Variants in ASIC2 observed in about 807,000 individuals in gnomAD.
The protein encoded by ASIC2 is acid sensing ion channel subunit 2.
Under a neutral mutation model 57.3 loss-of-function variants are expected in ASIC2, and 25 were observed. That is an observed-to-expected ratio of 0.44 (90% CI 0.32 to 0.61). The LOEUF is 0.61. ASIC2 is among the 20% of genes least tolerant of loss of function. The pLI, the probability that ASIC2 is intolerant of heterozygous loss-of-function variation, is 0.06. For synonymous variants in ASIC2, 319 were observed against 307.5 expected (o/e 1.04, Z -0.39); for missense variants, 641 against 738.1 (o/e 0.87, Z 1.52).
intron 1 of ASIC2, among the ~76,000 whole-genome samples, chr17:33,985,567 G>A (rs991766964): frequency 2.0e-5 from 3 of 152,178 alleles, no homozygotes; most frequent in Non-Finnish European, 4.4e-5. Context: ...AAATGTTTGG[G>A]ACAGACAACA....
At chr17:33,932,512 G>A (rs1336341205) in intron 1 of ASIC2, 1 of 151,234 alleles carries the variant, frequency 6.6e-6, no homozygotes, top group East Asian at 1.9e-4. Context: ...TTGGGAGTTC[G>A]AGACCACCCT....
At chr17:33,820,061 C>T (rs1438672324) in intron 1 of ASIC2, among the ~76,000 whole-genome samples, 1 of 152,154 alleles carries the variant, frequency 6.6e-6, no homozygotes, top group Non-Finnish European at 1.5e-5. Context: ...GCCCCAGCTG[C>T]CCAATATGGC....
chr17:33,143,992 C>T (rs1180355199), intron 1 of ASIC2, among the ~76,000 whole-genome samples: 1 of 152,006 alleles, frequency 6.6e-6, no homozygotes, highest in African/African-American at 2.4e-5. Context: ...GATGCCCAAC[C>T]CTTCTCTTTC....
At chr17:33,168,292 A>T (rs935151622) in intron 1 of ASIC2, among the ~76,000 whole-genome samples, 14 of 152,244 alleles carry the variant, frequency 9.2e-5, no homozygotes, top group Non-Finnish European at 1.6e-4. Flanking sequence ...TGCTATAACA[A>T]ATACATGAAA....
At chr17:33,598,902 G>T (rs908005958) in intron 1 of ASIC2, among the ~76,000 whole-genome samples, 1 of 152,170 alleles carries the variant, frequency 6.6e-6, no homozygotes, top group African/African-American at 2.4e-5. Context: ...ACTTTGTCAG[G>T]GAGTCTGAGA....
chr17:33,716,629 T>C (rs1258488218), intron 1 of ASIC2, among the ~76,000 whole-genome samples: 1 of 152,198 alleles, frequency 6.6e-6, no homozygotes, highest in African/African-American at 2.4e-5. Flanking sequence ...CATGACTGCA[T>C]CTCCTGCCCT....
At chr17:33,881,077 C>T (rs1159618013) in intron 1 of ASIC2, among the ~76,000 whole-genome samples, 1 of 152,232 alleles carries the variant, frequency 6.6e-6, no homozygotes, top group Non-Finnish European at 1.5e-5. Context: ...ATGCTAAAAA[C>T]TCTCAATAAA....
chr17:34,091,076 A>G (rs1415423192), intron 1 of ASIC2, among the ~76,000 whole-genome samples: 2 of 152,194 alleles, frequency 1.3e-5, no homozygotes, highest in Admixed American at 6.5e-5. Flanking sequence ...CAGTTCCTTC[A>G]ATCCTAAAAT....
In ASIC2 at chr17:34,021,179, A is replaced by T. The variant is rs187676323; in HGVS notation, c.555+134799T>A. 3.2e-3 allele frequency among the ~76,000 whole-genome samples: 486 copies of T among 152,172 alleles called. 12 individuals are homozygous for T. Among genetic ancestry groups the T allele is most frequent in the South Asian group, 1.2e-3 (6 of 4,814 alleles). On this transcript the variant is annotated intron_variant, in intron 1 of 9. Transcript: ENST00000359872. ...TGACGGGTGCACCAAAATCTCAGAAATCAGCACTAAAGAACTTACTCATGT... is the reference window on the plus strand; with the variant it reads ...TGACGGGTGCACCAAAATCTCAGAATTCAGCACTAAAGAACTTACTCATGT...
chr17:33,794,639 A>C (rs1200598797), intron 1 of ASIC2: 1 of 152,184 alleles, frequency 6.6e-6, no homozygotes, highest in East Asian at 1.9e-4. Context: ...TAGAAAGTTC[A>C]TGGTGAAAAA....
intron 1 of ASIC2, among the ~76,000 whole-genome samples, chr17:33,438,006 T>C (rs1263681969): frequency 6.6e-6 from 1 of 152,110 alleles, no homozygotes; most frequent in African/African-American, 2.4e-5. Flanking sequence ...TGTCCCTGAG[T>C]AGAGGTCTCC....
intron 2 of ASIC2, among the ~76,000 whole-genome samples, chr17:33,098,402 C>A (rs1032648327): frequency 3.3e-5 from 5 of 152,112 alleles, no homozygotes; most frequent in African/African-American, 4.8e-5. Flanking sequence ...CTAAGGAGAT[C>A]CGAAATCAGC....
intron 1 of ASIC2, among the ~76,000 whole-genome samples, chr17:34,040,220 C>T (rs1460115627): frequency 1.4e-5 from 2 of 143,504 alleles, no homozygotes; most frequent in Non-Finnish European, 3.0e-5. Flanking sequence ...GGTGGGGGCC[C>T]GCTCGGCTGG....
At chr17:33,627,075 C>T (rs1906008971) in intron 1 of ASIC2, 1 of 152,324 alleles carries the variant, frequency 6.6e-6, no homozygotes, top group South Asian at 2.1e-4. Flanking sequence ...AGGATTTGCA[C>T]TTCCCTGAGC....
chr17:33,070,519 G>A (rs1219900043), intron 3 of ASIC2, among the ~76,000 whole-genome samples: 2 of 151,928 alleles, frequency 1.3e-5, no homozygotes, highest in African/African-American at 4.8e-5. Flanking sequence ...TACATTTTTA[G>A]TAGAGACAGG....
rs71362880 is a variant in ASIC2 at position 33,175,464 on chromosome 17, GT to G, written c.709-63398del. Among the ~76,000 whole-genome samples the G allele has an allele frequency of 5.0e-4, 73 of 147,398 alleles. 2 individuals are homozygous for G. Among genetic ancestry groups the G allele is most frequent in the Middle Eastern group, 6.9e-3 (2 of 290 alleles). On this transcript the variant is annotated intron_variant, in intron 1 of 9. Coordinates refer to ENST00000225823, the MANE Select transcript of ASIC2 (RefSeq NM_183377.2). ...CATTCCCATTTATTGTTATTTTATT[GT>G]TTTTTTTTTCCTGTGTAGGACTAGA...
intron 1 of ASIC2, among the ~76,000 whole-genome samples, chr17:34,033,162 G>C (rs1019523044): frequency 1.3e-5 from 2 of 152,066 alleles, no homozygotes; most frequent in Non-Finnish European, 2.9e-5. Context: ...ATAACAAACT[G>C]TCTCTCAGAC....
intron 1 of ASIC2, among the ~76,000 whole-genome samples, chr17:33,421,529 G>A (rs1193004041): frequency 6.6e-6 from 1 of 152,218 alleles, no homozygotes; most frequent in East Asian, 1.9e-4. Context: ...CAGTGAAGAA[G>A]TCCCAACAAC....
At chr17:33,021,841 A>T (rs11868226) in intron 6 of ASIC2, among the ~76,000 whole-genome samples, 1,735 of 152,354 alleles carry the variant, frequency 0.011, 11 homozygotes, top group Non-Finnish European at 0.019. Context: ...GCAAACTTAC[A>T]TCTGGCTGGG....
Sources: gnomAD v4.1 joint callset for allele counts (sites outside exome capture counted in the v4.1 genomes callset) on GRCh38, gnomAD v4.1.1 for gene constraint, MANE v1.5 for transcripts, NCBI Gene and HGNC (gene_info 2026-07-23, HGNC 2026-07-21) for gene names.